GRID2: variants seen among roughly 807,000 people sequenced by gnomAD.
GRID2 encodes glutamate receptor ionotropic, delta-2.
Under a neutral mutation model 114.8 loss-of-function variants are expected in GRID2, and 33 were observed. The ratio of observed to expected loss-of-function variants is 0.29; its 90% CI spans 0.22 to 0.38. GRID2 has a LOEUF of 0.38. GRID2 is among the 10% of genes least tolerant of loss of function. GRID2 has a pLI of 1.00. For synonymous variants in GRID2, 505 were observed against 449.9 expected (o/e 1.12, Z -1.55); for missense variants, 1,184 against 1,257.7 (o/e 0.94, Z 0.89).
At position 93,578,587 on chromosome 4, in the gene GRID2, A is replaced by ATTTTTTTTTT. The variant is rs59397408; in HGVS notation, c.2194-47667_2194-47658dup. Among the ~76,000 whole-genome samples the ATTTTTTTTTT allele has an allele frequency of 1.4e-3, 121 of 83,924 alleles. 2 individuals are homozygous for ATTTTTTTTTT. The highest frequency in any genetic ancestry group is 4.2e-3 in the East Asian group (11 of 2,616). The allele number at this position is 83,924 out of a possible 152,430, so 55.1% of individuals were successfully genotyped here. On this transcript the variant is annotated intron_variant, in intron 13 of 15. Coordinates refer to ENST00000282020, the MANE Select transcript of GRID2 (RefSeq NM_001510.4). ...AAAAGAACCTTGTCTTGTTTTTTGT[A>ATTTTTTTTTT]TTTTTTTTTTTTTTTTTTTTTTTTG...
At chr4:92,876,862 T>C (rs1242637579) in intron 2 of GRID2, among the ~76,000 whole-genome samples, 1 of 152,138 alleles carries the variant, frequency 6.6e-6, no homozygotes, top group Admixed American at 6.5e-5. Flanking sequence ...TTGAGAAAAA[T>C]TTAATCATAA....
At chr4:93,583,803 A>T (rs1218216029) in intron 13 of GRID2, among the ~76,000 whole-genome samples, 1 of 152,154 alleles carries the variant, frequency 6.6e-6, no homozygotes, top group Non-Finnish European at 1.5e-5. Context: ...CTCCAAGCTT[A>T]TACACTAGCA....
At chr4:92,651,618 A>C (rs559972092) in intron 2 of GRID2, among the ~76,000 whole-genome samples, 7 of 152,162 alleles carry the variant, frequency 4.6e-5, no homozygotes, top group East Asian at 3.9e-4. Flanking sequence ...TTCCTCCCCA[A>C]ATTTCTTTGT....
chr4:93,796,064 C>T (rs997683749), intron 1 of GRID2, among the ~76,000 whole-genome samples: 1 of 152,126 alleles, frequency 6.6e-6, no homozygotes, highest in Non-Finnish European at 1.5e-5. Flanking sequence ...TGGCTATTGA[C>T]CTGAGGCCCA....
intron 2 of GRID2, among the ~76,000 whole-genome samples, chr4:92,880,803 C>T (rs1745948552): frequency 6.6e-6 from 1 of 152,134 alleles, no homozygotes. Context: ...CTGGCTACAA[C>T]CTCTGCCTCC....
chr4:93,765,608 T>TTATATATATATATA (rs66550272), intron 14 of GRID2, among the ~76,000 whole-genome samples: 372 of 29,336 alleles, frequency 0.013, 1 homozygote, highest in African/African-American at 0.043. Flanking sequence ...AGGTGAGGTA[T>TTATATATATATATA]TATATATATA....
At chr4:92,759,456 C>T (rs921522295) in intron 2 of GRID2, among the ~76,000 whole-genome samples, 2 of 152,060 alleles carry the variant, frequency 1.3e-5, no homozygotes, top group African/African-American at 4.8e-5. Context: ...AACTTCCCCC[C>T]AATACTTTTC....
At chr4:93,001,467 A>G (rs1720971189) in intron 2 of GRID2, among the ~76,000 whole-genome samples, 1 of 151,748 alleles carries the variant, frequency 6.6e-6, no homozygotes, top group Non-Finnish European at 1.5e-5. Flanking sequence ...AAGCTATTGT[A>G]CTATCTGCTA....
intron 1 of GRID2, among the ~76,000 whole-genome samples, chr4:92,360,390 C>T (rs958506210): frequency 6.6e-6 from 1 of 151,934 alleles, no homozygotes; most frequent in African/African-American, 2.4e-5. Flanking sequence ...GCTGCTGCCT[C>T]TGCCTGTTTA....
chr4:92,870,811 G>A (rs1181934558), intron 2 of GRID2, among the ~76,000 whole-genome samples: 1 of 152,120 alleles, frequency 6.6e-6, no homozygotes, highest in Non-Finnish European at 1.5e-5. Context: ...TTAGGTTGCT[G>A]AAATGTATAT....
At chr4:92,423,937 G>A (rs1732027270) in intron 1 of GRID2, among the ~76,000 whole-genome samples, 1 of 152,074 alleles carries the variant, frequency 6.6e-6, no homozygotes, top group African/African-American at 2.4e-5. Context: ...AAGAGAAATG[G>A]AAAAGGAAGA....
chr4:93,318,515 C>G (rs1053842674), intron 8 of GRID2: 4 of 152,066 alleles, frequency 2.6e-5, no homozygotes, highest in African/African-American at 9.7e-5. Context: ...TGAATGTATG[C>G]TGGACTCATT....
At chr4:93,694,499 T>C (rs1726842604) in intron 14 of GRID2, among the ~76,000 whole-genome samples, 1 of 152,210 alleles carries the variant, frequency 6.6e-6, no homozygotes, top group African/African-American at 2.4e-5. Context: ...GTTTCAATCC[T>C]CTACCACTGA....
At chr4:92,430,418 T>C in intron 1 of GRID2, among the ~76,000 whole-genome samples, 1 of 152,274 alleles carries the variant, frequency 6.6e-6, no homozygotes, top group East Asian at 1.9e-4. Context: ...ACTGTAGATG[T>C]ATGGATTTGT....
intron 1 of GRID2, among the ~76,000 whole-genome samples, chr4:92,530,655 A>T (rs958916135): frequency 6.6e-6 from 1 of 151,392 alleles, no homozygotes; most frequent in African/African-American, 2.4e-5. Context: ...TAATCCCAGT[A>T]CATTGGGAGG....
chr4:92,562,477 C>T (rs539396883), intron 1 of GRID2, among the ~76,000 whole-genome samples: 1 of 152,258 alleles, frequency 6.6e-6, no homozygotes, highest in Admixed American at 6.5e-5. Flanking sequence ...TGCTTCATTA[C>T]AGTTTATGCA....
rs931511094 is a variant in GRID2, at chr4:93,169,330, C to T, written c.736-38074C>T. On this transcript the variant is annotated intron_variant, in intron 4 of 15. Coordinates refer to ENST00000282020, the MANE Select transcript of GRID2 (RefSeq NM_001510.4). Reference sequence around the variant, plus strand: ...TTATCTTGAAAAACTTTGATTCTTTCTAAAATACATACAAAAATAGTTATA... The same window carrying T: ...TTATCTTGAAAAACTTTGATTCTTTTTAAAATACATACAAAAATAGTTATA... Among the ~76,000 whole-genome samples the T allele has an allele frequency of 7.9e-5, 12 of 152,200 alleles. 1 individual carries two copies. Among genetic ancestry groups the T allele is most frequent in the African/African-American group, 2.4e-4 (10 of 41,524 alleles).
At chr4:93,387,599 G>A (rs1383739894) in intron 8 of GRID2, among the ~76,000 whole-genome samples, 2 of 152,118 alleles carry the variant, frequency 1.3e-5, no homozygotes, top group Non-Finnish European at 2.9e-5. Context: ...GGAGGCCAAG[G>A]TGGGTGGATC....
intron 2 of GRID2, among the ~76,000 whole-genome samples, chr4:93,003,937 A>G (rs1032435611): frequency 5.9e-5 from 9 of 151,982 alleles, no homozygotes; most frequent in African/African-American, 1.9e-4. Flanking sequence ...TTTAAAAATA[A>G]AAGCCAAACC....
Sources: allele counts gnomAD v4.1 joint callset (sites outside exome capture counted in the v4.1 genomes callset), GRCh38; gene constraint gnomAD v4.1.1; transcripts MANE v1.5; gene names NCBI Gene and HGNC (gene_info 2026-07-23, HGNC 2026-07-21).